The following SLC31A1 variants were observed in gnomAD, a reference collection of about 807,000 sequenced individuals.
The protein encoded by SLC31A1 is high affinity copper uptake protein 1.
In SLC31A1, 5 loss-of-function variants were observed where a neutral mutation model predicts 17.2. The ratio of observed to expected loss-of-function variants is 0.29; its 90% confidence interval spans 0.15 to 0.61. The LOEUF (loss-of-function observed/expected upper bound fraction) is 0.61. Among genes scored for constraint, SLC31A1 ranks in the 20% least tolerant of loss-of-function variants. SLC31A1 has a pLI of 0.86. For missense variants in SLC31A1, 161 were observed against 241.4 expected (o/e 0.67, Z 2.21); for synonymous variants, 76 against 78.8 (o/e 0.96, Z 0.19).
intron 1 of SLC31A1, among the ~76,000 whole-genome samples, chr9:113,232,716 C>T (rs986480653): frequency 6.7e-6 from 1 of 148,824 alleles, no homozygotes; most frequent in Non-Finnish European, 1.5e-5. Context: ...TGGTGGCGGG[C>T]ACCCATAATC....
chr9:113,227,411 C>T (rs1353644089), intron 1 of SLC31A1: 1 of 151,984 alleles, frequency 6.6e-6, no homozygotes, highest in Non-Finnish European at 1.5e-5. Context: ...CACCACCACG[C>T]CCAGCTAATT....
intron 1 of SLC31A1, among the ~76,000 whole-genome samples, chr9:113,228,075 G>A (rs1008500822): frequency 6.6e-6 from 1 of 152,120 alleles, no homozygotes. Flanking sequence ...GGCAGCGTAG[G>A]TATTTTAATA....
At chr9:113,239,338 C>T (rs2118994963) in intron 1 of SLC31A1, among the ~76,000 whole-genome samples, 1 of 152,196 alleles carries the variant, frequency 6.6e-6, no homozygotes, top group South Asian at 2.1e-4. Flanking sequence ...AAGTTGTGCC[C>T]CTCAAACCAT....
At chr9:113,259,402 ATATCC>A (rs990098217) in intron 4 of SLC31A1, among the ~76,000 whole-genome samples, 10 of 152,118 alleles carry the variant, frequency 6.6e-5, no homozygotes, top group Non-Finnish European at 1.5e-4. Context: ...CTATAGACTG[ATATCC>A]TGCTTTCAAA....
intron 1 of SLC31A1, among the ~76,000 whole-genome samples, chr9:113,243,315 G>C (rs905481858): frequency 1.3e-5 from 2 of 152,100 alleles, no homozygotes; most frequent in African/African-American, 4.8e-5. Context: ...CCTAGGGATT[G>C]GACAATGGGC....
chr9:113,222,449 G>A (rs1831291709), intron 1 of SLC31A1, among the ~76,000 whole-genome samples: 1 of 152,124 alleles, frequency 6.6e-6, no homozygotes, highest in Non-Finnish European at 1.5e-5. Context: ...TGGTTAACCT[G>A]GTATCATTCT....
intron 1 of SLC31A1, among the ~76,000 whole-genome samples, chr9:113,246,536 AG>A (rs1831580561): frequency 6.6e-6 from 1 of 151,916 alleles, no homozygotes; most frequent in South Asian, 2.1e-4. Flanking sequence ...TATTTTTAGT[AG>A]AGACAAGGTT....
At chr9:113,259,583 C>CTTT (rs34039262) in intron 4 of SLC31A1, among the ~76,000 whole-genome samples, 5 of 124,438 alleles carry the variant, frequency 4.0e-5, no homozygotes, top group Admixed American at 8.4e-5. Context: ...TTTTTTCTTT[C>CTTT]TTTTTTTTTT....
At chr9:113,222,033 C>G (rs976432021) in intron 1 of SLC31A1, among the ~76,000 whole-genome samples, 1 of 152,172 alleles carries the variant, frequency 6.6e-6, no homozygotes, top group Non-Finnish European at 1.5e-5. Context: ...AACTAAGCAC[C>G]CGGGTGACTA....
intron 1 of SLC31A1, among the ~76,000 whole-genome samples, chr9:113,234,990 A>G (rs1373975262): frequency 6.6e-6 from 1 of 152,210 alleles, no homozygotes; most frequent in Non-Finnish European, 1.5e-5. Flanking sequence ...TGATAAATAG[A>G]CTACATTAAC....
intron 1 of SLC31A1, chr9:113,223,335 A>G: frequency 2.6e-6 from 1 of 390,176 alleles, no homozygotes; most frequent in Non-Finnish European, 5.0e-6. Flanking sequence ...CCTAAAAAAA[A>G]AAAAAAAGAA....
rs565800557 is a variant in SLC31A1 at position 113,226,531 on chromosome 9, A to G, written c.-36+4853A>G. Among the ~76,000 whole-genome samples the G allele has an allele frequency of 1.8e-4, 27 of 152,184 alleles. No individual in the cohort carries two copies. In the East Asian group the frequency reaches 2.7e-3, roughly 15 times the overall value. On this transcript the variant is annotated intron_variant, in intron 1 of 4. Transcript: ENST00000374212. ...TTTTATGATTTAGGTAACATCCCCAAGCAGAGGAGGGGCCCATCCTTAGGA... is the reference window on the plus strand; with the variant it reads ...TTTTATGATTTAGGTAACATCCCCAGGCAGAGGAGGGGCCCATCCTTAGGA...
intron 1 of SLC31A1, among the ~76,000 whole-genome samples, chr9:113,246,584 C>T (rs1831581671): frequency 6.6e-6 from 1 of 152,114 alleles, no homozygotes; most frequent in Non-Finnish European, 1.5e-5. Flanking sequence ...ATCTTCTGAC[C>T]TCGTGATCTG....
chr9:113,240,536 G>A (rs549142379), intron 1 of SLC31A1, among the ~76,000 whole-genome samples: 1 of 152,124 alleles, frequency 6.6e-6, no homozygotes, highest in East Asian at 1.9e-4. Flanking sequence ...GATTTCTTAG[G>A]AATTCAAGAA....
At chr9:113,230,003 G>A (rs1324604663) in intron 1 of SLC31A1, among the ~76,000 whole-genome samples, 1 of 152,142 alleles carries the variant, frequency 6.6e-6, no homozygotes, top group Non-Finnish European at 1.5e-5. Context: ...TCCCAACTAT[G>A]TTTACTAGCA....
intron 1 of SLC31A1, among the ~76,000 whole-genome samples, chr9:113,232,950 C>T (rs1831417416): frequency 6.6e-6 from 1 of 152,116 alleles, no homozygotes; most frequent in African/African-American, 2.4e-5. Flanking sequence ...ATAGAGAGAA[C>T]AGTAGATTGA....
intron 1 of SLC31A1, among the ~76,000 whole-genome samples, chr9:113,255,091 T>C (rs1023257089): frequency 1.3e-5 from 2 of 152,188 alleles, no homozygotes; most frequent in South Asian, 4.1e-4. Context: ...GGATTGAAAT[T>C]GTATCTGAAG....
intron 1 of SLC31A1, among the ~76,000 whole-genome samples, chr9:113,236,837 T>A (rs1356818298): frequency 6.6e-6 from 1 of 152,190 alleles, no homozygotes; most frequent in Non-Finnish European, 1.5e-5. Context: ...CAAATTGTAA[T>A]CATTATAAAG....
intron 1 of SLC31A1, among the ~76,000 whole-genome samples, chr9:113,232,232 T>A (rs1831409299): frequency 1.3e-5 from 2 of 152,160 alleles, no homozygotes; most frequent in African/African-American, 2.4e-5. Context: ...ATAGAAAAGA[T>A]GGACAAAAAC....
Sources: allele counts gnomAD v4.1 joint callset (sites outside exome capture counted in the v4.1 genomes callset), GRCh38; gene constraint gnomAD v4.1.1; transcripts MANE v1.5; gene names NCBI Gene and HGNC (gene_info 2026-07-23, HGNC 2026-07-21).